The following RANBP17 variants were observed in gnomAD, a reference collection of about 807,000 sequenced individuals.
The protein encoded by RANBP17 is ran-binding protein 17.
RANBP17 carries 158 observed loss-of-function variants against 141.2 expected under a neutral mutation model. The ratio of observed to expected loss-of-function variants is 1.12; its 90% CI spans 0.98 to 1.28. The LOEUF (loss-of-function observed/expected upper bound fraction) is 1.28. RANBP17 is among the 50% of genes most tolerant of loss of function. The probability of loss-of-function intolerance (pLI) is 0.00; values close to 1 mark genes in which losing one functional copy is unlikely to be tolerated. For synonymous variants in RANBP17, 430 were observed against 450.0 expected (o/e 0.96, Z 0.56); for missense variants, 1,438 against 1,290.7 (o/e 1.11, Z -1.75).
intron 14 of RANBP17, among the ~76,000 whole-genome samples, chr5:170,983,798 A>C (rs1191015075): frequency 6.6e-6 from 1 of 152,206 alleles, no homozygotes; most frequent in Admixed American, 6.5e-5. Context: ...CTGAAAACAC[A>C]GGGGACAGTG....
At chr5:171,112,316 T>C (rs1755294139) in intron 14 of RANBP17, among the ~76,000 whole-genome samples, 1 of 152,172 alleles carries the variant, frequency 6.6e-6, no homozygotes, top group Non-Finnish European at 1.5e-5. Flanking sequence ...TGTAAAATTT[T>C]TTTCAGTGTA....
At chr5:171,087,053 G>A (rs1179453262) in intron 14 of RANBP17, among the ~76,000 whole-genome samples, 1 of 122,066 alleles carries the variant, frequency 8.2e-6, no homozygotes, top group Non-Finnish European at 1.7e-5. Flanking sequence ...TAATTGTGAT[G>A]TTAGGGTGTC....
chr5:170,879,244 C>CA (rs143817919), intron 2 of RANBP17, among the ~76,000 whole-genome samples: 44 of 152,216 alleles, frequency 2.9e-4, no homozygotes, highest in African/African-American at 1.0e-3. Flanking sequence ...GCACATTCAT[C>CA]ATTTACAAGG....
chr5:171,084,217 T>A (rs1458381188), intron 14 of RANBP17, among the ~76,000 whole-genome samples: 1 of 150,418 alleles, frequency 6.6e-6, no homozygotes, highest in African/African-American at 2.4e-5. Flanking sequence ...CAGTGTTTGT[T>A]TTTTTGTTCT....
At chr5:171,035,949 A>G (rs1205142939) in intron 14 of RANBP17, among the ~76,000 whole-genome samples, 1 of 151,766 alleles carries the variant, frequency 6.6e-6, no homozygotes, top group Non-Finnish European at 1.5e-5. Flanking sequence ...GCTGAAGTGC[A>G]GTGTTGTGAT....
Position 170,966,392 on chromosome 5 carries a change from C to T in RANBP17, c.1575-1850C>T, listed in dbSNP as rs754242850. On this transcript the variant is annotated intron_variant, in intron 13 of 27. Transcript: ENST00000523189. ...TGGAATGCAAGGCTGGTTCAATATACGCAAATCAATAAATGTAATCCAGCA... is the reference window on the plus strand; with the variant it reads ...TGGAATGCAAGGCTGGTTCAATATATGCAAATCAATAAATGTAATCCAGCA... Among the ~76,000 whole-genome samples the T allele has an allele frequency of 1.1e-3, 172 of 152,198 alleles. 1 individual carries two copies. The highest frequency in any genetic ancestry group is 6.8e-3 in the Middle Eastern group (2 of 294).
At chr5:171,138,638 T>C (rs984933612) in intron 14 of RANBP17, among the ~76,000 whole-genome samples, 4 of 152,158 alleles carry the variant, frequency 2.6e-5, no homozygotes, top group Non-Finnish European at 5.9e-5. Context: ...ACCTGAATGC[T>C]TCTTCCTATT....
intron 11 of RANBP17, among the ~76,000 whole-genome samples, chr5:170,920,461 A>G (rs1342262934): frequency 6.6e-6 from 1 of 151,124 alleles, no homozygotes; most frequent in Non-Finnish European, 1.5e-5. Flanking sequence ...ATTCATTGCT[A>G]GTGTGCTAGT....
Position 170,999,820 on chromosome 5 carries a change from T to G in RANBP17, c.1710+31443T>G, listed in dbSNP as rs145355709. 4.3e-4 allele frequency among the ~76,000 whole-genome samples: 66 copies of G among 152,318 alleles called. 1 individual carries two copies. The highest frequency in any genetic ancestry group is 1.4e-3 in the African/African-American group (60 of 41,572). On this transcript the variant is annotated intron_variant, in intron 14 of 27. Transcript: ENST00000523189. ...GTGATATTAAATACATTCATATTGT[T>G]GTGCAACCATCACCACCATTCATCT...
intron 1 of RANBP17, among the ~76,000 whole-genome samples, chr5:170,875,026 G>A (rs1768065393): frequency 6.6e-6 from 1 of 152,108 alleles, no homozygotes; most frequent in African/African-American, 2.4e-5. Context: ...AGGCCTGGTG[G>A]TGACAAATTC....
intron 14 of RANBP17, among the ~76,000 whole-genome samples, chr5:171,021,013 A>G (rs1429275900): frequency 1.3e-5 from 2 of 152,094 alleles, no homozygotes; most frequent in Non-Finnish European, 2.9e-5. Flanking sequence ...AATGGATTTT[A>G]TTTCTCCTTC....
At chr5:170,987,142 T>C (rs969630868) in intron 14 of RANBP17, among the ~76,000 whole-genome samples, 2 of 151,782 alleles carry the variant, frequency 1.3e-5, no homozygotes, top group Non-Finnish European at 3.0e-5. Flanking sequence ...ACACTAAACA[T>C]TGAAACATTT....
chr5:170,896,610 A>C (rs1401428893), intron 5 of RANBP17, among the ~76,000 whole-genome samples: 1 of 152,148 alleles, frequency 6.6e-6, no homozygotes, highest in Admixed American at 6.5e-5. Context: ...CAGGGGGATC[A>C]CCTGAGGTCA....
chr5:171,154,008 C>A (rs1214668012), intron 14 of RANBP17, among the ~76,000 whole-genome samples: 1 of 149,934 alleles, frequency 6.7e-6, no homozygotes, highest in Non-Finnish European at 1.5e-5. Context: ...GCCTGGGCAA[C>A]AAGAGCAAAA....
At chr5:171,062,736 A>T (rs1013439123) in intron 14 of RANBP17, among the ~76,000 whole-genome samples, 1 of 152,246 alleles carries the variant, frequency 6.6e-6, no homozygotes, top group Admixed American at 6.5e-5. Context: ...GTTCTCCTGG[A>T]TAATATCCTG....
intron 18 of RANBP17, among the ~76,000 whole-genome samples, chr5:171,184,574 A>T (rs1012751231): frequency 2.0e-5 from 3 of 152,224 alleles, no homozygotes; most frequent in African/African-American, 7.2e-5. Flanking sequence ...TAATAACAAT[A>T]TATTGTATTC....
At chr5:171,000,661 C>T (rs1404073993) in intron 14 of RANBP17, among the ~76,000 whole-genome samples, 2 of 152,142 alleles carry the variant, frequency 1.3e-5, no homozygotes, top group Admixed American at 6.5e-5. Context: ...TGCAGGCGGG[C>T]TGAGTCTGAA....
chr5:170,907,721 G>A (rs1485651210), intron 5 of RANBP17, among the ~76,000 whole-genome samples: 2 of 151,862 alleles, frequency 1.3e-5, no homozygotes, highest in East Asian at 1.9e-4. Flanking sequence ...AGGAATAAGC[G>A]AAATAATATA....
chr5:171,261,643 A>T (rs1033224784), intron 24 of RANBP17, among the ~76,000 whole-genome samples: 3 of 152,336 alleles, frequency 2.0e-5, no homozygotes, highest in Middle Eastern at 3.4e-3. Flanking sequence ...ATTGTTTTCA[A>T]TGCCAAACAA....
Sources: gnomAD v4.1 joint callset for allele counts (sites outside exome capture counted in the v4.1 genomes callset) on GRCh38, gnomAD v4.1.1 for gene constraint, MANE v1.5 for transcripts, NCBI Gene and HGNC (gene_info 2026-07-23, HGNC 2026-07-21) for gene names.